Variants in RASAL2 observed in about 807,000 individuals in gnomAD.
The protein encoded by RASAL2 is RAS protein activator like 2.
In RASAL2, 58 loss-of-function variants were observed where a neutral mutation model predicts 128.9. The ratio of observed to expected loss-of-function variants is 0.45; its 90% CI spans 0.36 to 0.56. RASAL2 has a LOEUF of 0.56. Among genes scored for constraint, RASAL2 ranks in the 20% least tolerant of loss-of-function variants. The probability of loss-of-function intolerance (pLI) is 0.00; values close to 1 mark genes in which losing one functional copy is unlikely to be tolerated. For synonymous variants in RASAL2, 561 were observed against 580.8 expected (o/e 0.97, Z 0.49); for missense variants, 1,360 against 1,601.6 (o/e 0.85, Z 2.57).
At chr1:178,099,989 A>G (rs1658833542) in intron 1 of RASAL2, among the ~76,000 whole-genome samples, 1 of 152,086 alleles carries the variant, frequency 6.6e-6, no homozygotes, top group Non-Finnish European at 1.5e-5. Flanking sequence ...ACCAAGTGGT[A>G]TAAAGACTAT....
At chr1:178,464,152 TAAAGC>T in intron 14 of RASAL2, 121 bp from the exon 15 acceptor site, 1 of 1,182,654 alleles carries the variant, frequency 8.5e-7, no homozygotes, top group Non-Finnish European at 1.1e-6. Flanking sequence ...AAATAATACT[TAAAGC>T]TAAGAGCATT....
At chr1:178,294,746 G>A (rs1330875232) in intron 2 of RASAL2, among the ~76,000 whole-genome samples, 1 of 152,196 alleles carries the variant, frequency 6.6e-6, no homozygotes, top group Non-Finnish European at 1.5e-5. Context: ...TTCCAACTGT[G>A]GTGCTGTAAT....
In RASAL2 at chr1:178,390,210, A is replaced by G. The variant is rs1171468270; in HGVS notation, c.564+4A>G. 3 of 1,585,412 alleles carry G rather than the reference A, an allele frequency of 1.9e-6. No homozygotes were observed. Among genetic ancestry groups the G allele is most frequent in the Admixed American group, 1.7e-5 (1 of 58,648 alleles). On this transcript the variant is annotated splice_donor_region_variant and intron_variant, in intron 4 of 17. Transcript: ENST00000367649. The stretch of plus-strand genomic sequence containing the variant: ...TACCTCACCCTTCAAAGTACCAGTA[A>G]GTGTTTATCTTCTTTATAAGAATAT...
At chr1:178,211,829 A>G (rs1663266379) in intron 1 of RASAL2, among the ~76,000 whole-genome samples, 2 of 152,316 alleles carry the variant, frequency 1.3e-5, no homozygotes, top group Non-Finnish European at 1.5e-5. Context: ...TTTTTGCACA[A>G]ACCAACCATC....
At chr1:178,129,816 T>C (rs1250871438) in intron 1 of RASAL2, among the ~76,000 whole-genome samples, 1 of 152,190 alleles carries the variant, frequency 6.6e-6, no homozygotes, top group Non-Finnish European at 1.5e-5. Flanking sequence ...TATCCTGACA[T>C]CATTGTTAGA....
At chr1:178,458,610 A>C in intron 14 of RASAL2, 66 bp downstream of exon 14, 8 of 1,491,370 alleles carry the variant, frequency 5.4e-6, no homozygotes, top group Non-Finnish European at 7.1e-6. Flanking sequence ...TTCTTTATAC[A>C]TAAATCATTG....
At chr1:178,150,246 G>A (rs1296463905) in intron 1 of RASAL2, among the ~76,000 whole-genome samples, 1 of 152,132 alleles carries the variant, frequency 6.6e-6, no homozygotes, top group Non-Finnish European at 1.5e-5. Flanking sequence ...CCAGGCTGGA[G>A]TGCAGCAGCA....
chr1:178,170,827 G>A (rs951008596), intron 1 of RASAL2, among the ~76,000 whole-genome samples: 2 of 151,640 alleles, frequency 1.3e-5, no homozygotes, highest in Non-Finnish European at 2.9e-5. Context: ...TACCAGCCCA[G>A]GTGCTTTTAT....
At chr1:178,270,635 T>C (rs1666201556) in intron 1 of RASAL2, among the ~76,000 whole-genome samples, 1 of 151,904 alleles carries the variant, frequency 6.6e-6, no homozygotes, top group African/African-American at 2.4e-5. Context: ...CTCTTTTTTT[T>C]TTTTTTATGT....
At chr1:178,133,351 A>G (rs1223889885) in intron 1 of RASAL2, among the ~76,000 whole-genome samples, 4 of 152,192 alleles carry the variant, frequency 2.6e-5, no homozygotes, top group African/African-American at 4.8e-5. Context: ...CTTTGGTGAC[A>G]CTGTTTCAGC....
At chr1:178,456,189 ATC>A (rs1271196750) in intron 12 of RASAL2, among the ~76,000 whole-genome samples, 1 of 152,236 alleles carries the variant, frequency 6.6e-6, no homozygotes, top group African/African-American at 2.4e-5. Context: ...TGGCAGTATC[ATC>A]TGTGTGCCCT....
At chr1:178,182,972 G>A (rs1326043273) in intron 1 of RASAL2, among the ~76,000 whole-genome samples, 1 of 152,096 alleles carries the variant, frequency 6.6e-6, no homozygotes, top group Non-Finnish European at 1.5e-5. Context: ...AGTTCACAGT[G>A]GGGTTTGCAA....
At chr1:178,410,343 C>T (rs767547947) in intron 4 of RASAL2, among the ~76,000 whole-genome samples, 6 of 151,904 alleles carry the variant, frequency 3.9e-5, no homozygotes, top group Non-Finnish European at 8.8e-5. Context: ...AAGCTGGGTC[C>T]TCATCTCTCA....
At chr1:178,384,636 C>T (rs1169680310) in intron 3 of RASAL2, among the ~76,000 whole-genome samples, 1 of 150,410 alleles carries the variant, frequency 6.6e-6, no homozygotes, top group Non-Finnish European at 1.5e-5. Flanking sequence ...CCACTGCACT[C>T]CAGCTTGGGA....
chr1:178,323,008 C>G (rs1557901464), intron 3 of RASAL2, among the ~76,000 whole-genome samples: 1 of 152,202 alleles, frequency 6.6e-6, no homozygotes, highest in Non-Finnish European at 1.5e-5. Flanking sequence ...TTTCCACCTT[C>G]ATTTCTACCT....
At position 178,467,517 on chromosome 1, in the gene RASAL2, A is replaced by G. The variant is rs373179221; in HGVS notation, c.3678+96A>G. 111 of 998,172 alleles carry G rather than the reference A, an allele frequency of 1.1e-4. No individual in the cohort carries two copies. In the African/African-American group the frequency reaches 1.5e-3, roughly 14 times the overall value. The allele number at this position is 998,172 out of a possible 1,614,324, so 61.8% of individuals were successfully genotyped here. ...GCAAATGCCAAGGCAGGTACCCAAA[A>G]ATGTGTCATTGAAAAGTTCTAGACG... On this transcript the variant is annotated intron_variant, in intron 17 of 17. Transcript: ENST00000367649.
intron 5 of RASAL2, among the ~76,000 whole-genome samples, chr1:178,422,239 TTTGA>T (rs1485634213): frequency 6.6e-6 from 1 of 152,052 alleles, no homozygotes; most frequent in Non-Finnish European, 1.5e-5. Flanking sequence ...ATGGGAATTG[TTTGA>T]TTGAATTACC....
intron 4 of RASAL2, among the ~76,000 whole-genome samples, chr1:178,418,576 C>T (rs1421564377): frequency 6.6e-6 from 1 of 152,198 alleles, no homozygotes; most frequent in Admixed American, 6.5e-5. Flanking sequence ...TAAGTATTTT[C>T]TTTCAGTAAT....
chr1:178,130,176 T>A (rs1243261774), intron 1 of RASAL2, among the ~76,000 whole-genome samples: 1 of 152,202 alleles, frequency 6.6e-6, no homozygotes, highest in Non-Finnish European at 1.5e-5. Flanking sequence ...TTGATTTTTT[T>A]AAAGGCCAAT....
Sources: gnomAD v4.1 joint callset for allele counts (sites outside exome capture counted in the v4.1 genomes callset) on GRCh38, gnomAD v4.1.1 for gene constraint, MANE v1.5 for transcripts, NCBI Gene and HGNC (gene_info 2026-07-23, HGNC 2026-07-21) for gene names.